Variants in FREM2 observed in about 807,000 individuals in gnomAD.
FREM2 encodes the protein FRAS1-related extracellular matrix protein 2.
Under a neutral mutation model 219.9 loss-of-function variants are expected in FREM2, and 119 were observed. The ratio of observed to expected loss-of-function variants is 0.54; its 90% CI spans 0.47 to 0.63. The LOEUF (loss-of-function observed/expected upper bound fraction) is 0.63, where lower values mean the gene tolerates loss of function less well. FREM2 is among the 30% of genes least tolerant of loss of function. FREM2 has a pLI of 0.00. For synonymous variants in FREM2, 1,562 were observed against 1,522.8 expected (o/e 1.03, Z -0.60); for missense variants, 4,030 against 3,993.6 (o/e 1.01, Z -0.25).
chr13:38,823,134 T>C (rs1378468434), intron 6 of FREM2, among the ~76,000 whole-genome samples: 4 of 152,058 alleles, frequency 2.6e-5, no homozygotes, highest in Non-Finnish European at 5.9e-5. Flanking sequence ...ACTGGATTCC[T>C]TCCTCTCAGT....
rs1361916386 is a variant in FREM2, at chr13:38,690,478, T to TTGG, written c.3138_3140dup (p.Gly1047dup). ...TCAGATATGTCTCAAGAATGGAGAATTGGTGGCAATACTATCCAAGGAGTT... is the reference window on the plus strand; with the variant it reads ...TCAGATATGTCTCAAGAATGGAGAATTGGTGGTGGCAATACTATCCAAGGAGTT... On this transcript the variant is annotated inframe_insertion, in exon 1 of 24. Coordinates refer to ENST00000280481, the MANE Select transcript of FREM2 (RefSeq NM_207361.6). 1 of 1,614,074 alleles carries TTGG rather than the reference T, an allele frequency of 6.2e-7. No individual in the cohort carries two copies. Among genetic ancestry groups the TTGG allele is most frequent in the African/African-American group, 1.3e-5 (1 of 74,918 alleles).
At chr13:38,793,189 C>G (rs1231446191) in intron 6 of FREM2, among the ~76,000 whole-genome samples, 3 of 152,208 alleles carry the variant, frequency 2.0e-5, no homozygotes, top group African/African-American at 4.8e-5. Flanking sequence ...TAACAGCAAA[C>G]AAGAGAACCA....
intron 6 of FREM2, among the ~76,000 whole-genome samples, chr13:38,839,118 G>A (rs930648605): frequency 2.0e-5 from 3 of 152,198 alleles, no homozygotes; most frequent in African/African-American, 7.2e-5. Flanking sequence ...GGTCTTTGCT[G>A]TTGGTAATCT....
At chr13:38,863,427 T>C (rs1225086785) in intron 15 of FREM2, among the ~76,000 whole-genome samples, 1 of 152,198 alleles carries the variant, frequency 6.6e-6, no homozygotes, top group East Asian at 1.9e-4. Context: ...GTGGGTGATA[T>C]CTATAAATAT....
intron 6 of FREM2, among the ~76,000 whole-genome samples, chr13:38,820,881 A>G (rs2137876292): frequency 6.6e-6 from 1 of 152,294 alleles, no homozygotes; most frequent in Non-Finnish European, 1.5e-5. Flanking sequence ...TGCACTATGC[A>G]CCTATGGTCT....
intron 6 of FREM2, among the ~76,000 whole-genome samples, chr13:38,813,964 G>A (rs142208039): frequency 2.0e-4 from 30 of 151,924 alleles, no homozygotes; most frequent in South Asian, 1.2e-3. Context: ...CTGCTTGATC[G>A]ATTCCAATAT....
At chr13:38,709,872 G>A (rs1246682227) in intron 2 of FREM2, among the ~76,000 whole-genome samples, 2 of 151,848 alleles carry the variant, frequency 1.3e-5, no homozygotes, top group Admixed American at 6.6e-5. Context: ...GGCCGGGCGC[G>A]GTGGCTCATG....
intron 12 of FREM2, among the ~76,000 whole-genome samples, chr13:38,857,412 G>T (rs537247024): frequency 6.6e-6 from 1 of 152,212 alleles, no homozygotes; most frequent in African/African-American, 2.4e-5. Context: ...GCTTCAAAGA[G>T]TTTCTTATTA....
Position 38,690,605 on chromosome 13 carries a change from A to T in FREM2, c.3261A>T (p.Ser1087=). The part of the protein sequence containing the change: ...VMEGDKSVIT[S]VHISAEDVDS... ...AAGGTGATAAAAGTGTTATAACATC[A>T]GTGCATATAAGTGCTGAAGATGTCG... The change falls in exon 1 of 24, where the codon TCA becomes TCT. Residue 1087 remains serine, a synonymous_variant. Coordinates refer to ENST00000280481, the MANE Select transcript of FREM2 (RefSeq NM_207361.6). The T allele has an allele frequency of 6.2e-7, 1 of 1,614,020 alleles. No individual in the cohort carries two copies. The highest frequency in any genetic ancestry group is 1.1e-5 in the South Asian group (1 of 91,086).
intron 1 of FREM2, among the ~76,000 whole-genome samples, chr13:38,693,098 G>C (rs1456688696): frequency 6.6e-6 from 1 of 152,048 alleles, no homozygotes; most frequent in Admixed American, 6.6e-5. Context: ...AATATTTCAT[G>C]ACAGGCAAAT....
At chr13:38,860,980 A>T (rs1396085980) in intron 14 of FREM2, among the ~76,000 whole-genome samples, 1 of 152,224 alleles carries the variant, frequency 6.6e-6, no homozygotes, top group Non-Finnish European at 1.5e-5. Context: ...AGTTTTATTC[A>T]CTTATAAGTA....
intron 2 of FREM2, among the ~76,000 whole-genome samples, chr13:38,738,388 A>G (rs1872085099): frequency 6.6e-6 from 1 of 151,886 alleles, no homozygotes. Flanking sequence ...CAACATGGTG[A>G]AACCCCACCT....
At position 38,691,113 on chromosome 13, in the gene FREM2, A is replaced by G; in HGVS notation, c.3769A>G (p.Ile1257Val). ...GGTCGAAAGCTTCACCTTGGATCAG[A>G]TCATAGAGAGTTCCAGCATTATTTA... ...VLVESFTLDQ[I>V]IESSSIIYEH... is the part of the protein sequence containing the mutation. Residue 1257 changes from isoleucine to valine, a missense_variant, in exon 1 of 24, where the codon ATC becomes GTC. By Grantham distance (29) the Ile-to-Val change is conservative (BLOSUM62 3). Coordinates refer to ENST00000280481, the MANE Select transcript of FREM2 (RefSeq NM_207361.6). 1.2e-6 allele frequency: 2 copies of G among 1,614,160 alleles called. No individual in the cohort carries two copies. The highest frequency in any genetic ancestry group is 1.7e-6 in the Non-Finnish European group (2 of 1,180,022).
intron 2 of FREM2, among the ~76,000 whole-genome samples, chr13:38,741,043 T>C (rs1037733279): frequency 8.5e-5 from 13 of 152,334 alleles, no homozygotes; most frequent in African/African-American, 2.9e-4. Context: ...TTTATACTCA[T>C]TGATTTTAAA....
chr13:38,797,252 C>G (rs1041603986), intron 6 of FREM2, among the ~76,000 whole-genome samples: 2 of 152,010 alleles, frequency 1.3e-5, no homozygotes, highest in African/African-American at 4.8e-5. Context: ...TTGTCCGCAT[C>G]CTCACCTGCT....
Position 38,869,380 on chromosome 13 carries a change from T to A in FREM2, c.7984-3362T>A, listed in dbSNP as rs577811303. ...AGACTACATCTAGCTTCAGCTATTA[T>A]TAAAACTATATCTGATTTTGCCATC... is the stretch of plus-strand genomic sequence containing the variant. On this transcript the variant is annotated intron_variant, in intron 16 of 23. Transcript: ENST00000280481. Among the ~76,000 whole-genome samples the A allele has an allele frequency of 3.9e-5, 6 of 152,324 alleles. No homozygotes were observed. The East Asian group carries it at 9.7e-4, about 25-fold the overall frequency.
At position 38,687,697 on chromosome 13, in the gene FREM2, G is replaced by T; in HGVS notation, c.353G>T (p.Arg118Leu). The T allele has an allele frequency of 6.4e-7, 1 of 1,573,874 alleles. No homozygotes were observed. Among genetic ancestry groups the T allele is most frequent in the Non-Finnish European group, 8.6e-7 (1 of 1,157,598 alleles). Residue 118 changes from arginine to leucine, a missense_variant, in exon 1 of 24, where the codon CGA becomes CTA. Transcript: ENST00000280481. ...CTAGACAACGACGCACTGGCCCAGC[G>T]ACCGGGCCGCCTGAGTCCCAAGCGC... is the stretch of plus-strand genomic sequence containing the variant. ...SVLDNDALAQ[R>L]PGRLSPKRFP... is the part of the protein sequence containing the mutation.
intron 6 of FREM2, among the ~76,000 whole-genome samples, chr13:38,793,978 G>A (rs1874668641): frequency 9.0e-6 from 1 of 110,682 alleles, no homozygotes; most frequent in Admixed American, 9.1e-5. Context: ...AGGCATGCTA[G>A]TACGAAAGAA....
At chr13:38,719,053 C>T (rs1255769057) in intron 2 of FREM2, among the ~76,000 whole-genome samples, 3 of 152,108 alleles carry the variant, frequency 2.0e-5, no homozygotes, top group African/African-American at 7.2e-5. Flanking sequence ...GTTTGGAGGT[C>T]AGAAGTTCCA....
Sources: gnomAD v4.1 joint callset for allele counts (sites outside exome capture counted in the v4.1 genomes callset) on GRCh38, gnomAD v4.1.1 for gene constraint, MANE v1.5 for transcripts, NCBI Gene and HGNC (gene_info 2026-07-23, HGNC 2026-07-21) for gene names.